TBC1D5: variants seen among roughly 807,000 people sequenced by gnomAD.
TBC1D5 encodes TBC1 domain family, member 5.
TBC1D5 carries 75 observed loss-of-function variants against 100.3 expected under a neutral mutation model. The ratio of observed to expected loss-of-function variants is 0.75; its 90% confidence interval spans 0.62 to 0.91. TBC1D5 has a LOEUF of 0.91. TBC1D5 is among the 40% of genes least tolerant of loss of function. The pLI is 0.00. For synonymous variants in TBC1D5, 323 were observed against 325.6 expected, an observed-to-expected ratio of 0.99 and a Z score of 0.09; for missense variants, 910 against 942.4, an observed-to-expected ratio of 0.97 and a Z score of 0.45.
chr3:17,630,569 A>G (rs541681965), intron 1 of TBC1D5, among the ~76,000 whole-genome samples: 10 of 152,280 alleles, frequency 6.6e-5, no homozygotes, highest in African/African-American at 1.9e-4. Flanking sequence ...CCATTCTGCC[A>G]TCTCTCCCCT....
chr3:17,189,100 C>T (rs1464538733), intron 18 of TBC1D5, among the ~76,000 whole-genome samples: 3 of 152,168 alleles, frequency 2.0e-5, no homozygotes, highest in African/African-American at 4.8e-5. Context: ...CTCAACCCCA[C>T]CTGGCAGGAT....
intron 11 of TBC1D5, 31 bp from the exon 12 acceptor site, chr3:17,374,571 C>T: frequency 1.9e-6 from 3 of 1,609,462 alleles, no homozygotes; most frequent in East Asian, 4.5e-5. Flanking sequence ...TGCTATGTAA[C>T]TTTCATTAAA....
intron 1 of TBC1D5, among the ~76,000 whole-genome samples, chr3:17,705,526 T>C (rs1317532951): frequency 1.4e-5 from 2 of 141,752 alleles, no homozygotes; most frequent in African/African-American, 2.6e-5. Flanking sequence ...TCCTCACTTC[T>C]CAGACGGGGC....
intron 1 of TBC1D5, among the ~76,000 whole-genome samples, chr3:17,701,942 G>A (rs1427886872): frequency 1.3e-5 from 2 of 151,678 alleles, no homozygotes; most frequent in African/African-American, 4.8e-5. Context: ...AGTTATTGGA[G>A]ACCAAATTTC....
intron 17 of TBC1D5, among the ~76,000 whole-genome samples, chr3:17,220,052 CTT>C (rs1428923158): frequency 6.6e-5 from 10 of 152,084 alleles, no homozygotes; most frequent in African/African-American, 2.4e-4. Flanking sequence ...TGTTAACACT[CTT>C]GAGTAGTCAT....
intron 13 of TBC1D5, chr3:17,333,204 T>A (rs541606119): frequency 6.6e-6 from 1 of 152,404 alleles, no homozygotes; most frequent in East Asian, 1.9e-4. Flanking sequence ...ACTTTAGGGT[T>A]CAAAACAAAG....
rs2094389850 is a variant in TBC1D5, at chr3:17,428,607, T to C, written c.98-88A>G. On this transcript the variant is annotated intron_variant, in intron 3 of 21. Coordinates refer to ENST00000253692, the Ensembl canonical transcript of TBC1D5. Reference sequence around the variant, plus strand: ...TGTGTGAAAGCTCTACGCAATATATTAGCCAAAAAGCATACATCCTCTCCC... The same window carrying C: ...TGTGTGAAAGCTCTACGCAATATATCAGCCAAAAAGCATACATCCTCTCCC... 1.3e-5 allele frequency: 7 copies of C among 558,482 alleles called. No homozygotes were observed. In the Admixed American group the frequency reaches 1.8e-4, roughly 14 times the overall value. 34.6% of individuals were successfully genotyped at this position (558,482 alleles called of 1,614,324 possible).
intron 1 of TBC1D5, among the ~76,000 whole-genome samples, chr3:17,655,961 T>C (rs2066022590): frequency 1.3e-5 from 2 of 152,214 alleles, no homozygotes; most frequent in South Asian, 4.1e-4. Context: ...CATTTCTGTT[T>C]TTAAGCCATA....
intron 1 of TBC1D5, among the ~76,000 whole-genome samples, chr3:17,735,744 G>A (rs2076914426): frequency 6.6e-6 from 1 of 152,208 alleles, no homozygotes; most frequent in East Asian, 1.9e-4. Context: ...CACCTCGCTG[G>A]ATCAGGAGCA....
intron 9 of TBC1D5, among the ~76,000 whole-genome samples, chr3:17,377,521 T>G (rs912155887): frequency 1.3e-5 from 2 of 152,046 alleles, no homozygotes; most frequent in Non-Finnish European, 2.9e-5. Flanking sequence ...ACTACTTTCC[T>G]TTTGCTTAGT....
chr3:17,660,343 C>T (rs2066517242), intron 1 of TBC1D5, among the ~76,000 whole-genome samples: 1 of 152,144 alleles, frequency 6.6e-6, no homozygotes, highest in Non-Finnish European at 1.5e-5. Context: ...TTTACCTTTC[C>T]CCTCCCATAA....
At chr3:17,286,671 T>C (rs1028312774) in intron 15 of TBC1D5, among the ~76,000 whole-genome samples, 5 of 152,240 alleles carry the variant, frequency 3.3e-5, no homozygotes, top group African/African-American at 7.2e-5. Flanking sequence ...AAATTTCAAC[T>C]AGTTCCTGGG....
intron 9 of TBC1D5, among the ~76,000 whole-genome samples, chr3:17,380,919 A>G (rs1228156191): frequency 6.6e-6 from 1 of 152,114 alleles, no homozygotes; most frequent in Non-Finnish European, 1.5e-5. Context: ...GTCGATGTTT[A>G]ACAGGGTGTC....
chr3:17,226,049 G>A (rs1261458976), intron 17 of TBC1D5, among the ~76,000 whole-genome samples: 1 of 151,644 alleles, frequency 6.6e-6, no homozygotes, highest in African/African-American at 2.4e-5. Context: ...AGGGACAACT[G>A]TATTTCCTCT....
At chr3:17,286,416 G>A (rs1298816688) in intron 15 of TBC1D5, among the ~76,000 whole-genome samples, 1 of 152,106 alleles carries the variant, frequency 6.6e-6, no homozygotes, top group Non-Finnish European at 1.5e-5. Flanking sequence ...TGAGCAACTA[G>A]CTAGAACAAT....
chr3:17,248,862 G>A (rs1462850230), intron 16 of TBC1D5, among the ~76,000 whole-genome samples: 3 of 152,090 alleles, frequency 2.0e-5, no homozygotes, highest in African/African-American at 4.8e-5. Context: ...TCAGTGTAGC[G>A]AGCCCCCTTT....
At chr3:17,340,350 T>C (rs1281914304) in intron 13 of TBC1D5, among the ~76,000 whole-genome samples, 1 of 151,984 alleles carries the variant, frequency 6.6e-6, no homozygotes, top group Non-Finnish European at 1.5e-5. Context: ...GCCAGTGGGG[T>C]CGGCCTTCAG....
chr3:17,438,091 C>T (rs1400901377), intron 3 of TBC1D5, among the ~76,000 whole-genome samples: 4 of 152,114 alleles, frequency 2.6e-5, no homozygotes, highest in Admixed American at 2.6e-4. Context: ...CACAATGCTA[C>T]TAATGGCCTC....
chr3:17,255,319 G>A (rs1284890833), intron 16 of TBC1D5, among the ~76,000 whole-genome samples: 2 of 152,106 alleles, frequency 1.3e-5, no homozygotes, highest in Non-Finnish European at 2.9e-5. Flanking sequence ...TACTGCCTCA[G>A]CCTCCCGAGT....
Sources: gnomAD v4.1 joint callset for allele counts (sites outside exome capture counted in the v4.1 genomes callset) on GRCh38, gnomAD v4.1.1 for gene constraint, MANE v1.5 for transcripts, NCBI Gene and HGNC (gene_info 2026-07-23, HGNC 2026-07-21) for gene names.